The following MEI4 variants were observed in gnomAD, a reference collection of about 807,000 sequenced individuals.
MEI4 encodes meiosis-specific protein MEI4.
A neutral mutation model predicts 31.4 loss-of-function variants in MEI4; 27 were observed. That is an observed-to-expected ratio of 0.86 (90% confidence interval 0.63 to 1.19). MEI4 has a LOEUF of 1.19. Among genes scored for constraint, MEI4 ranks in the 50% most tolerant of loss-of-function variants. The pLI, the probability that MEI4 is intolerant of heterozygous loss-of-function variation, is 0.00. For missense variants in MEI4, 329 were observed against 398.9 expected, an observed-to-expected ratio of 0.82 and a Z score of 1.49; for synonymous variants, 122 against 145.4, an observed-to-expected ratio of 0.84 and a Z score of 1.16.
rs1226318042 is a variant in MEI4, at chr6:77,897,893, G to A, written c.901-25196G>A. ...TTAACTGTACTCTGCTCTAACCAGAGCTTTATACTCCCTCAGTATAGGCCC... is the reference window on the plus strand; with the variant it reads ...TTAACTGTACTCTGCTCTAACCAGAACTTTATACTCCCTCAGTATAGGCCC... On this transcript the variant is annotated intron_variant, in intron 4 of 4. Coordinates refer to ENST00000684080, the MANE Select transcript of MEI4 (RefSeq NM_001322247.2). 2.0e-5 allele frequency among the ~76,000 whole-genome samples: 3 copies of A among 151,912 alleles called. 1 individual carries two copies. The South Asian group carries it at 6.2e-4, about 32-fold the overall frequency.
At chr6:77,783,473 A>G (rs1768647075) in intron 3 of MEI4, among the ~76,000 whole-genome samples, 2 of 152,218 alleles carry the variant, frequency 1.3e-5, no homozygotes, top group South Asian at 4.1e-4. Context: ...GCTAGAAACT[A>G]TAGAAAATAT....
chr6:77,884,719 G>C (rs761031354), intron 4 of MEI4, among the ~76,000 whole-genome samples: 1 of 152,142 alleles, frequency 6.6e-6, no homozygotes, highest in African/African-American at 2.4e-5. Flanking sequence ...GGATGGGCCC[G>C]TTTTTATACC....
intron 1 of MEI4, among the ~76,000 whole-genome samples, chr6:77,665,631 A>C (rs1768615715): frequency 6.6e-6 from 1 of 152,334 alleles, no homozygotes; most frequent in African/African-American, 2.4e-5. Context: ...GTGAATAATC[A>C]GGTGTCCCTG....
chr6:77,714,853 AT>A (rs2127661341), intron 2 of MEI4, among the ~76,000 whole-genome samples: 1 of 152,176 alleles, frequency 6.6e-6, no homozygotes, highest in African/African-American at 2.4e-5. Flanking sequence ...AATATCAAGT[AT>A]TTTTTGCCCT....
chr6:77,796,449 G>T (rs1769077639), intron 3 of MEI4, among the ~76,000 whole-genome samples: 1 of 152,076 alleles, frequency 6.6e-6, no homozygotes, highest in Non-Finnish European at 1.5e-5. Context: ...TGACATAATT[G>T]TATATAGAAC....
chr6:77,741,280 T>C (rs1342327690), intron 2 of MEI4, among the ~76,000 whole-genome samples: 2 of 152,168 alleles, frequency 1.3e-5, no homozygotes, highest in African/African-American at 4.8e-5. Flanking sequence ...TGGGCAAAAC[T>C]GAGGAACATG....
At chr6:77,732,137 G>A (rs960343601) in intron 2 of MEI4, among the ~76,000 whole-genome samples, 2 of 151,260 alleles carry the variant, frequency 1.3e-5, no homozygotes, top group Non-Finnish European at 1.5e-5. Context: ...ATATGAACTT[G>A]AAAGTAGTTT....
intron 2 of MEI4, among the ~76,000 whole-genome samples, chr6:77,754,112 G>T (rs932407113): frequency 7.9e-5 from 12 of 151,918 alleles, no homozygotes; most frequent in African/African-American, 2.7e-4. Context: ...GGTTAGGGGG[G>T]TTCTGGGGAG....
chr6:77,667,998 C>T (rs1768670242), intron 1 of MEI4, among the ~76,000 whole-genome samples: 1 of 134,078 alleles, frequency 7.5e-6, no homozygotes, highest in Non-Finnish European at 1.6e-5. Flanking sequence ...TCCATTGTGA[C>T]AGTCTGAATC....
At chr6:77,657,609 T>C (rs1429442869) in intron 1 of MEI4, among the ~76,000 whole-genome samples, 4 of 152,046 alleles carry the variant, frequency 2.6e-5, no homozygotes, top group African/African-American at 4.8e-5. Flanking sequence ...GATTTTTTTT[T>C]TTACTCATCC....
chr6:77,909,964 A>G (rs1397973818), intron 4 of MEI4, among the ~76,000 whole-genome samples: 1 of 152,184 alleles, frequency 6.6e-6, no homozygotes, highest in African/African-American at 2.4e-5. Flanking sequence ...AAACCACATG[A>G]TTATCTCAAT....
chr6:77,819,670 C>T (rs898619208), intron 3 of MEI4, among the ~76,000 whole-genome samples: 3 of 152,100 alleles, frequency 2.0e-5, no homozygotes, highest in Non-Finnish European at 4.4e-5. Flanking sequence ...TTGGCAGATA[C>T]CTTTCCTTTA....
chr6:77,778,466 C>T (rs9448211), intron 3 of MEI4, among the ~76,000 whole-genome samples: 24 of 151,960 alleles, frequency 1.6e-4, no homozygotes, highest in African/African-American at 3.4e-4. Context: ...TCTGGAAGGC[C>T]GAGGCAGGTG....
intron 4 of MEI4, among the ~76,000 whole-genome samples, chr6:77,916,024 T>A (rs544885129): frequency 3.9e-5 from 6 of 152,182 alleles, no homozygotes; most frequent in South Asian, 2.1e-4. Flanking sequence ...CTGGATTTTT[T>A]AATTCTGCTT....
chr6:77,888,517 T>C (rs1771679735), intron 4 of MEI4, among the ~76,000 whole-genome samples: 1 of 152,196 alleles, frequency 6.6e-6, no homozygotes, highest in South Asian at 2.1e-4. Context: ...TAAGTGTTTC[T>C]TGAAGAGCTA....
chr6:77,828,631 T>G (rs575868075), intron 3 of MEI4, among the ~76,000 whole-genome samples: 3 of 152,174 alleles, frequency 2.0e-5, no homozygotes, highest in African/African-American at 7.2e-5. Context: ...TATCTTGATT[T>G]ATCATCTCCT....
At chr6:77,835,390 ACACACACACACAC>A (rs1582197536) in intron 4 of MEI4, among the ~76,000 whole-genome samples, 2 of 136,948 alleles carry the variant, frequency 1.5e-5, no homozygotes, top group Admixed American at 1.5e-4. Flanking sequence ...ACACACACAC[ACACACACACACAC>A]AAATAAAAAA....
At chr6:77,839,394 C>T (rs1748700682) in intron 4 of MEI4, among the ~76,000 whole-genome samples, 2 of 152,104 alleles carry the variant, frequency 1.3e-5, no homozygotes, top group African/African-American at 4.8e-5. Context: ...TATCCTTCTC[C>T]AGCCCTTTGC....
intron 2 of MEI4, among the ~76,000 whole-genome samples, chr6:77,710,096 C>CCCAT (rs931749127): frequency 2.0e-5 from 3 of 152,154 alleles, no homozygotes; most frequent in Admixed American, 1.3e-4. Context: ...AAGTGCCTTG[C>CCCAT]CCATGCACAG....
Sources: allele counts gnomAD v4.1 joint callset (sites outside exome capture counted in the v4.1 genomes callset), GRCh38; gene constraint gnomAD v4.1.1; transcripts MANE v1.5; gene names NCBI Gene and HGNC (gene_info 2026-07-23, HGNC 2026-07-21).